Variants in PCNX1 observed in about 807,000 individuals in gnomAD.
The protein encoded by PCNX1 is pecanex-like protein 1.
A neutral mutation model predicts 242.2 loss-of-function variants in PCNX1; 78 were observed. That is an observed-to-expected ratio of 0.32 (90% CI 0.27 to 0.39). The LOEUF (loss-of-function observed/expected upper bound fraction) is 0.39, where lower values mean the gene tolerates loss of function less well. Ranked by LOEUF, PCNX1 falls within the 10% of genes least tolerant of loss-of-function variation. The pLI is 1.00. For missense variants in PCNX1, 2,581 were observed against 2,856.5 expected (o/e 0.90, Z 2.20); for synonymous variants, 1,024 against 1,032.9 (o/e 0.99, Z 0.17).
intron 26 of PCNX1, among the ~76,000 whole-genome samples, chr14:71,065,097 A>G (rs1369415296): frequency 6.6e-6 from 1 of 152,192 alleles, no homozygotes; most frequent in Non-Finnish European, 1.5e-5. Flanking sequence ...ATGTGTCTTT[A>G]TAGTAGAATG....
chr14:70,936,444 T>C (rs1463536921), intron 1 of PCNX1, among the ~76,000 whole-genome samples: 1 of 152,178 alleles, frequency 6.6e-6, no homozygotes, highest in Non-Finnish European at 1.5e-5. Context: ...TCCATGTCCC[T>C]ACAAAGGACA....
intron 28 of PCNX1, among the ~76,000 whole-genome samples, chr14:71,077,944 AC>A (rs972736553): frequency 2.6e-5 from 4 of 152,132 alleles, no homozygotes; most frequent in African/African-American, 9.7e-5. Context: ...TTCACAGTCT[AC>A]CCACTCAGGA....
intron 1 of PCNX1, among the ~76,000 whole-genome samples, chr14:70,929,254 T>C (rs1419533806): frequency 1.3e-5 from 2 of 152,002 alleles, no homozygotes; most frequent in Non-Finnish European, 2.9e-5. Context: ...TTTTTTCCCC[T>C]CTTACCGTCT....
intron 30 of PCNX1, among the ~76,000 whole-genome samples, chr14:71,101,760 A>G (rs1290521194): frequency 6.6e-6 from 1 of 152,196 alleles, no homozygotes. Flanking sequence ...TTATTCATCT[A>G]GAACTTAGAG....
intron 1 of PCNX1, among the ~76,000 whole-genome samples, chr14:70,926,894 A>G (rs1208046529): frequency 6.6e-6 from 1 of 152,242 alleles, no homozygotes; most frequent in African/African-American, 2.4e-5. Context: ...TAGGAGGACA[A>G]TAATGAAGAA....
intron 26 of PCNX1, among the ~76,000 whole-genome samples, chr14:71,068,337 T>A (rs949175691): frequency 4.0e-5 from 6 of 151,244 alleles, no homozygotes; most frequent in African/African-American, 1.5e-4. Context: ...TCTCAAAAAA[T>A]ATATATATGT....
intron 24 of PCNX1, among the ~76,000 whole-genome samples, chr14:71,055,192 C>T (rs1432617647): frequency 6.6e-6 from 1 of 152,094 alleles, no homozygotes. Flanking sequence ...TTTTAAGAAC[C>T]ATATACAGTA....
intron 1 of PCNX1, among the ~76,000 whole-genome samples, chr14:70,938,963 A>G (rs2057122695): frequency 6.6e-6 from 1 of 152,106 alleles, no homozygotes; most frequent in Non-Finnish European, 1.5e-5. Context: ...TTTCTGTGGG[A>G]TAGGTGGTGA....
intron 6 of PCNX1, among the ~76,000 whole-genome samples, chr14:70,984,646 A>G (rs1301652423): frequency 2.0e-5 from 3 of 151,976 alleles, no homozygotes; most frequent in Non-Finnish European, 4.4e-5. Flanking sequence ...TCGGCCTCCC[A>G]AAGTGCTGGG....
In PCNX1 at chr14:71,033,475, G is replaced by T; in HGVS notation, c.3605G>T (p.Cys1202Phe). 3.7e-6 allele frequency: 6 copies of T among 1,610,612 alleles called. No individual in the cohort carries two copies. The highest frequency in any genetic ancestry group is 2.2e-5 in the East Asian group (1 of 44,792). Residue 1202 changes from cysteine (C) to phenylalanine (F), a missense_variant, in exon 17 of 36, where the codon TGT becomes TTT. Around this residue, in one of 9 missense-constraint regions of PCNX1, gnomAD observed 432 missense variants for 443.1 expected, o/e 0.97. Coordinates refer to ENST00000304743, the MANE Select transcript of PCNX1 (RefSeq NM_014982.3). ...QHIPVLFSIF[C>F]GLLVAVSYHL... ...ATTCCAGTACTTTTCTCCATTTTTT[G>T]TGGTTTATTAGTGGCAGTGTCTTAC...
In PCNX1 at chr14:71,089,349, A is replaced by T. The variant is rs748946174; in HGVS notation, c.5589+7A>T. The T allele has an allele frequency of 1.2e-5, 20 of 1,604,286 alleles. No homozygotes were observed. The highest frequency in any genetic ancestry group is 1.7e-5 in the Non-Finnish European group (20 of 1,173,816). ...GTCCATTAAACTTCATCAGGTAAGA[A>T]GATGAGATTTTTCTAATTCATTACT... On this transcript the variant is annotated splice_region_variant and intron_variant, in intron 30 of 35. Coordinates refer to ENST00000304743, the MANE Select transcript of PCNX1 (RefSeq NM_014982.3).
chr14:70,954,527 A>G (rs918891145), intron 2 of PCNX1, among the ~76,000 whole-genome samples: 1 of 152,058 alleles, frequency 6.6e-6, no homozygotes, highest in African/African-American at 2.4e-5. Context: ...CTCTCCATTT[A>G]TTTAGTCTTT....
chr14:71,028,589 G>A (rs1420934835), intron 15 of PCNX1, 111 bp from the exon 16 acceptor site: 105 of 623,584 alleles, frequency 1.7e-4, no homozygotes, highest in Non-Finnish European at 5.5e-6. Context: ...CAGATTAGTA[G>A]ATATTTAATG....
At chr14:70,935,790 AG>A (rs1252436377) in intron 1 of PCNX1, among the ~76,000 whole-genome samples, 2 of 152,222 alleles carry the variant, frequency 1.3e-5, no homozygotes, top group Non-Finnish European at 2.9e-5. Context: ...ATAGCAAAAT[AG>A]GCACTGAAAT....
chr14:71,030,760 T>A lies in PCNX1; in HGVS notation c.3558+1969T>A, dbSNP rs746808525. 1.2e-4 allele frequency among the ~76,000 whole-genome samples: 18 copies of A among 152,286 alleles called. No individual in the cohort carries two copies. In the Middle Eastern group the frequency reaches 0.017, roughly 144 times the overall value. On this transcript the variant is annotated intron_variant, in intron 16 of 35. Coordinates refer to ENST00000304743, the MANE Select transcript of PCNX1 (RefSeq NM_014982.3). The stretch of plus-strand genomic sequence containing the variant: ...CCAGTGTTATTTTTAAAATTTCCCT[T>A]GGCCATTAAGCAGCTCAAAGCCAAA...
chr14:71,099,360 GT>G (rs1054696896), intron 30 of PCNX1, among the ~76,000 whole-genome samples: 1 of 151,072 alleles, frequency 6.6e-6, no homozygotes, highest in Non-Finnish European at 1.5e-5. Context: ...GGGTTTCACC[GT>G]GTTAGCCAGG....
At chr14:71,035,228 A>G (rs537093040) in intron 18 of PCNX1, among the ~76,000 whole-genome samples, 1 of 152,290 alleles carries the variant, frequency 6.6e-6, no homozygotes, top group Admixed American at 6.5e-5. Context: ...TCTCAAAAAC[A>G]AACAAAAAAT....
At chr14:70,953,680 T>G (rs2140389830) in intron 2 of PCNX1, among the ~76,000 whole-genome samples, 1 of 149,772 alleles carries the variant, frequency 6.7e-6, no homozygotes, top group South Asian at 2.1e-4. Context: ...TTTTTTTTTT[T>G]TTTAATGAAT....
At chr14:71,068,081 C>G (rs2061492183) in intron 26 of PCNX1, among the ~76,000 whole-genome samples, 1 of 152,040 alleles carries the variant, frequency 6.6e-6, no homozygotes, top group South Asian at 2.1e-4. Flanking sequence ...AAACCCAACA[C>G]TTTGGGAGGC....
Sources: allele counts gnomAD v4.1 joint callset (sites outside exome capture counted in the v4.1 genomes callset), GRCh38; gene constraint gnomAD v4.1.1; regional missense constraint gnomAD v4.1.1; transcripts MANE v1.5; gene names NCBI Gene and HGNC (gene_info 2026-07-23, HGNC 2026-07-21).